Variants in ANKIB1 observed in about 807,000 individuals in gnomAD.
The protein encoded by ANKIB1 is ankyrin repeat and IBR domain containing 1.
ANKIB1 carries 43 observed loss-of-function variants against 122.1 expected under a neutral mutation model. The ratio of observed to expected loss-of-function variants is 0.35; its 90% CI spans 0.28 to 0.45. ANKIB1 has a LOEUF of 0.45. ANKIB1 is among the 20% of genes least tolerant of loss of function. ANKIB1 has a pLI of 1.00. For synonymous variants in ANKIB1, 390 were observed against 442.0 expected, an observed-to-expected ratio of 0.88 and a Z score of 1.48; for missense variants, 992 against 1,329.5, an observed-to-expected ratio of 0.75 and a Z score of 3.95.
chr7:92,321,707 G>A (rs1802916613), intron 4 of ANKIB1, among the ~76,000 whole-genome samples: 1 of 152,122 alleles, frequency 6.6e-6, no homozygotes, highest in Non-Finnish European at 1.5e-5. Flanking sequence ...ATACAATTGT[G>A]TTGTTTATTT....
rs910610629 is a variant in ANKIB1, at chr7:92,383,307, G to C, written c.1618-3202G>C. Among the ~76,000 whole-genome samples, 13 of 152,074 alleles carry C rather than the reference G, an allele frequency of 8.5e-5. No homozygotes were observed. In the East Asian group the frequency reaches 2.5e-3, roughly 29 times the overall value. On this transcript the variant is annotated intron_variant, in intron 11 of 19. Transcript: ENST00000265742. ...ATGGATTCACAGCCAAATTGTACCA[G>C]AGCTGCCAAGAGGAGATGGCACCAT...
chr7:92,397,936 A>G, intron 19 of ANKIB1, 77 bp downstream of exon 19: 1 of 1,509,210 alleles, frequency 6.6e-7, no homozygotes, highest in South Asian at 1.3e-5. Flanking sequence ...TGTTACTTTC[A>G]TCGCTTTCCT....
intron 1 of ANKIB1, among the ~76,000 whole-genome samples, chr7:92,258,900 C>G (rs1209666049): frequency 6.6e-6 from 1 of 152,102 alleles, no homozygotes; most frequent in Non-Finnish European, 1.5e-5. Context: ...GTAGCATCAA[C>G]CACACATCAA....
At chr7:92,305,432 G>A (rs897148535) in intron 2 of ANKIB1, among the ~76,000 whole-genome samples, 2 of 152,192 alleles carry the variant, frequency 1.3e-5, no homozygotes, top group Admixed American at 6.5e-5. Context: ...TGCTGTGTTT[G>A]TGACACTGTG....
chr7:92,390,696 T>C (rs1804766287), intron 15 of ANKIB1, among the ~76,000 whole-genome samples: 1 of 152,222 alleles, frequency 6.6e-6, no homozygotes, highest in African/African-American at 2.4e-5. Flanking sequence ...AGGATCAGTA[T>C]TCATTTTCTC....
chr7:92,390,310 C>T (rs966419433), intron 15 of ANKIB1, among the ~76,000 whole-genome samples, 194 bp downstream of exon 15: 6 of 152,166 alleles, frequency 3.9e-5, no homozygotes, highest in Admixed American at 3.3e-4. Flanking sequence ...TTAAATTTGT[C>T]ACTCTGCAGG....
intron 10 of ANKIB1, among the ~76,000 whole-genome samples, chr7:92,366,814 C>T (rs1422774302): frequency 1.3e-5 from 2 of 152,208 alleles, no homozygotes; most frequent in Admixed American, 6.5e-5. Flanking sequence ...TGCCACACAG[C>T]ATATCCATCT....
At chr7:92,257,930 A>G (rs1801483086) in intron 1 of ANKIB1, among the ~76,000 whole-genome samples, 2 of 152,194 alleles carry the variant, frequency 1.3e-5, no homozygotes, top group African/African-American at 4.8e-5. Context: ...CTATTTCTGT[A>G]AGAGGTGTGT....
chr7:92,362,243 C>CA lies in ANKIB1; in HGVS notation c.1462dup (p.Ile488AsnfsTer13). On this transcript the variant is annotated frameshift_variant, in exon 10 of 20. Transcript: ENST00000265742. LOFTEE classifies it high-confidence loss of function. ...CTGCCAAACATGGAAGAATTGGCTG[C>CA]AAAAAATAACCGAAATGAAACCAGA... The CA allele has an allele frequency of 6.3e-7, 1 of 1,597,336 alleles. No individual in the cohort carries two copies.
At chr7:92,371,950 G>GGTGTGT (rs55936298) in intron 11 of ANKIB1, among the ~76,000 whole-genome samples, 1,569 of 118,110 alleles carry the variant, frequency 0.013, 31 homozygotes, top group East Asian at 0.035. Flanking sequence ...TTGAGAGAGG[G>GGTGTGT]GTGTGTGTGT....
At chr7:92,253,100 C>T (rs996176530) in intron 1 of ANKIB1, among the ~76,000 whole-genome samples, 2 of 152,088 alleles carry the variant, frequency 1.3e-5, no homozygotes, top group East Asian at 1.9e-4. Flanking sequence ...TATTTCTGTA[C>T]CTGTGTGTAC....
chr7:92,393,287 A>T (rs1323464153), intron 17 of ANKIB1, among the ~76,000 whole-genome samples: 1 of 152,096 alleles, frequency 6.6e-6, no homozygotes, highest in Non-Finnish European at 1.5e-5. Flanking sequence ...GACTTGAAAA[A>T]AATTGTGCTT....
chr7:92,391,341 G>T lies in ANKIB1; in HGVS notation c.2228G>T (p.Arg743Leu), dbSNP rs779347579. Residue 743 changes from arginine to leucine, a missense_variant, in exon 16 of 20, where the codon CGC (arginine) becomes CTC (leucine). Transcript: ENST00000265742. Reference protein sequence around the residue: ...APADSPEAPRRSFAGGTWDWE... With the variant: ...APADSPEAPRLSFAGGTWDWE... ...GCAGACTCACCAGAAGCTCCAAGGC[G>T]CAGGTAAAAAGGACGTACACTGTGG... 6.2e-7 allele frequency: 1 copy of T among 1,609,920 alleles called. No individual in the cohort carries two copies. Among genetic ancestry groups the T allele is most frequent in the Non-Finnish European group, 8.5e-7 (1 of 1,177,736 alleles).
In ANKIB1 at chr7:92,398,536, T is replaced by A. The variant is rs1252627988; in HGVS notation, c.2857T>A (p.Ser953Thr). The part of the protein sequence containing the change: ...SEARSDFCPS[S>T]SDPDSAGQDP... Reference sequence around the variant, plus strand: ...GGCAAGAAGTGATTTCTGTCCCTCATCTAGTGATCCTGACTCAGCTGGCCA... The same window carrying A: ...GGCAAGAAGTGATTTCTGTCCCTCAACTAGTGATCCTGACTCAGCTGGCCA... Residue 953 changes from serine (S) to threonine (T), a missense_variant, in exon 20 of 20, where the codon TCT becomes ACT. By Grantham distance (58) the Ser-to-Thr change is moderately conservative. Around this residue, in one of 4 missense-constraint regions of ANKIB1, gnomAD observed 384 missense variants for 412.0 expected, o/e 0.93. Coordinates refer to ENST00000265742, the MANE Select transcript of ANKIB1 (RefSeq NM_019004.2). 6.2e-7 allele frequency: 1 copy of A among 1,613,956 alleles called. No individual in the cohort carries two copies. Among genetic ancestry groups the A allele is most frequent in the Middle Eastern group, 1.6e-4 (1 of 6,062 alleles).
Position 92,290,370 on chromosome 7 carries a change from A to AGTGTGT in ANKIB1, c.-90-4490_-90-4485dup, listed in dbSNP as rs34404682. On this transcript the variant is annotated intron_variant, in intron 1 of 19. Transcript: ENST00000265742. ...AGACTAAATTGAGTATATGTATGAA[A>AGTGTGT]GTGTGTGTGTGTGTGTGTGTGTGTG... Among the ~76,000 whole-genome samples the AGTGTGT allele has an allele frequency of 8.3e-3, 1,176 of 141,398 alleles. 13 individuals are homozygous for AGTGTGT. The highest frequency in any genetic ancestry group is 0.023 in the African/African-American group (892 of 38,284). The allele number at this position is 141,398 out of a possible 152,430, so 92.8% of individuals were successfully genotyped here.
At position 92,396,599 on chromosome 7, in the gene ANKIB1, T is replaced by C; in HGVS notation, c.2395+123T>C. 5 of 613,010 alleles carry C rather than the reference T, an allele frequency of 8.2e-6. No homozygotes were observed. In the South Asian group the frequency reaches 9.9e-5, roughly 12 times the overall value. The allele number at this position is 613,010 out of a possible 1,614,324, so 38.0% of individuals were successfully genotyped here. On this transcript the variant is annotated intron_variant, in intron 18 of 19. Transcript: ENST00000265742. ...AGATATACAATAAATATGCAGATGT[T>C]TCTGTTGTGACAGGACACAGAAAAT...
chr7:92,246,605 C>T, intron 1 of ANKIB1, 86 bp downstream of exon 1: 2 of 473,308 alleles, frequency 4.2e-6, no homozygotes, highest in South Asian at 3.0e-5. Flanking sequence ...TACTTCACAC[C>T]CTCCCGGATC....
chr7:92,358,122 A>G (rs1803862946), intron 9 of ANKIB1, among the ~76,000 whole-genome samples: 1 of 151,884 alleles, frequency 6.6e-6, no homozygotes, highest in African/African-American at 2.4e-5. Context: ...TGCACCTGTA[A>G]TCCCATCTAC....
intron 10 of ANKIB1, among the ~76,000 whole-genome samples, chr7:92,368,677 T>C (rs963107997): frequency 6.6e-6 from 1 of 151,242 alleles, no homozygotes; most frequent in East Asian, 1.9e-4. Context: ...GCTGAGATCA[T>C]GCCATTGCAC....
Sources: gnomAD v4.1 joint callset for allele counts (sites outside exome capture counted in the v4.1 genomes callset) on GRCh38, gnomAD v4.1.1 for gene constraint, gnomAD v4.1.1 regional missense constraint, MANE v1.5 for transcripts, NCBI Gene and HGNC (gene_info 2026-07-23, HGNC 2026-07-21) for gene names.